BICRA: variants seen among roughly 807,000 people sequenced by gnomAD.
BICRA encodes the protein BRD4-interacting chromatin-remodeling complex-associated protein.
In BICRA, 31 loss-of-function variants were observed where a neutral mutation model predicts 96.9. The ratio of observed to expected loss-of-function variants is 0.32; its 90% CI spans 0.24 to 0.43. BICRA has a LOEUF of 0.43. Ranked by LOEUF, BICRA falls within the 20% of genes least tolerant of loss-of-function variation. The pLI, the probability that BICRA is intolerant of heterozygous loss-of-function variation, is 1.00. For synonymous variants in BICRA, 1,350 were observed against 1,071.8 expected (o/e 1.26, Z -5.07); for missense variants, 2,283 against 2,190.3 (o/e 1.04, Z -0.84).
chr19:47,701,472 T>C lies in BICRA; in HGVS notation c.3740T>C (p.Val1247Ala). 6.4e-7 allele frequency: 1 copy of C among 1,560,264 alleles called. No individual in the cohort carries two copies. Among genetic ancestry groups the C allele is most frequent in the East Asian group, 2.4e-5 (1 of 41,452 alleles). ...QPPPHLPTKL[V>A]IRHGGAGGSP... ...CCTCCACACCTGCCCACCAAGCTTG[T>C]GATCCGGCACGGCGGGGCAGGCGGC... The change falls in exon 15 of 15, where the codon GTG (valine) becomes GCG (alanine). Residue 1247 changes from valine to alanine, a missense_variant. Physicochemically the swap from Val to Ala is moderately conservative, Grantham distance 64. Transcript: ENST00000594866. The surrounding 1 kb of genome is among the most constrained non-coding windows in gnomAD (Gnocchi z 5.4).
rs1434082592 is a variant in BICRA at position 47,701,415 on chromosome 19, C to T, written c.3683C>T (p.Ser1228Leu). ...CGGCTTCCCGGCCACGGCCCCCTGT[C>T]GTCTTCAGCTCCCGGGGCCTCCACC... is the stretch of plus-strand genomic sequence containing the variant. ...GHRLPGHGPL[S>L]SSAPGASTQP... The change falls in exon 15 of 15, where the codon TCG becomes TTG. Residue 1228 changes from serine (S) to leucine (L), a missense_variant. Ser to Leu is a moderately radical substitution (Grantham distance 145). Coordinates refer to ENST00000594866, the MANE Select transcript of BICRA (RefSeq NM_001394372.1). This position sits in a 1 kb window ranked among gnomAD's most constrained non-coding sequence, Gnocchi z 5.4. 23 of 1,595,404 alleles carry T rather than the reference C, an allele frequency of 1.4e-5. No homozygotes were observed. The highest frequency in any genetic ancestry group is 1.6e-4 in the Middle Eastern group (1 of 6,078).
intron 1 of BICRA, among the ~76,000 whole-genome samples, chr19:47,651,912 C>T (rs1972546665): frequency 6.6e-6 from 1 of 152,204 alleles, no homozygotes; most frequent in Admixed American, 6.5e-5. Flanking sequence ...TGTGATGTGG[C>T]TGCAAACCCA....
chr19:47,698,837 G>A lies in BICRA; in HGVS notation c.3397+55G>A. On this transcript the variant is annotated intron_variant, in intron 12 of 14. Transcript: ENST00000594866. This position sits in a 1 kb window ranked among gnomAD's most constrained non-coding sequence, Gnocchi z 4.8. ...TGTCCCAGGGGACCCCAGCCCGTGG[G>A]GCGGGGCGTCGCCAGTGTGGAGCCG... 1.4e-6 allele frequency: 2 copies of A among 1,476,042 alleles called. No homozygotes were observed. The highest frequency in any genetic ancestry group is 1.9e-6 in the Non-Finnish European group (2 of 1,078,936). The allele number at this position is 1,476,042 out of a possible 1,614,324, so 91.4% of individuals were successfully genotyped here.
intron 1 of BICRA, among the ~76,000 whole-genome samples, chr19:47,669,252 T>C (rs1972827815): frequency 6.6e-6 from 1 of 152,194 alleles, no homozygotes; most frequent in African/African-American, 2.4e-5. Flanking sequence ...GTTATAGTCC[T>C]GTTAGCCATG....
At chr19:47,655,565 G>A (rs1057167191) in intron 1 of BICRA, among the ~76,000 whole-genome samples, 4 of 145,130 alleles carry the variant, frequency 2.8e-5, no homozygotes, top group African/African-American at 5.1e-5. Context: ...AAATGTCCCC[G>A]GTTTAGGACA....
At chr19:47,685,136 A>AT (rs34314641) in intron 7 of BICRA, among the ~76,000 whole-genome samples, 12,920 of 144,692 alleles carry the variant, frequency 0.089, 946 homozygotes, top group African/African-American at 0.21. Context: ...CGCACAGCTA[A>AT]TTTTTTTTTT....
chr19:47,693,179 TG>T lies in BICRA; in HGVS notation c.2284-934del, dbSNP rs549742963. On this transcript the variant is annotated intron_variant, in intron 7 of 14. Coordinates refer to ENST00000594866, the MANE Select transcript of BICRA (RefSeq NM_001394372.1). ...GCCAGCCCAGTGTTGGGTGCACAGC[TG>T]GTGCCCACTGGTTACACAGTGGCTG... Among the ~76,000 whole-genome samples, 461 of 152,372 alleles carry T rather than the reference TG, an allele frequency of 3.0e-3. 1 individual carries two copies. The highest frequency in any genetic ancestry group is 0.01 in the African/African-American group (433 of 41,584).
chr19:47,679,755 G>T lies in BICRA; in HGVS notation c.585G>T (p.Gln195His). The change falls in exon 6 of 15, where the codon CAG (glutamine) becomes CAT (histidine). Residue 195 changes from glutamine to histidine, a missense_variant. Physicochemically the swap from Gln to His is conservative, Grantham distance 24. Coordinates refer to ENST00000594866, the MANE Select transcript of BICRA (RefSeq NM_001394372.1). ...TGGTCAACAAGGCCCTGAGTGTGCA[G>T]CCCTTCCTGCAGCCTGTGGGCCTGG... ...QDVVNKALSV[Q>H]PFLQPVGLGN... 1 of 1,526,886 alleles carries T rather than the reference G, an allele frequency of 6.5e-7. No homozygotes were observed. The highest frequency in any genetic ancestry group is 8.8e-7 in the Non-Finnish European group (1 of 1,137,430). The allele number at this position is 1,526,886 out of a possible 1,614,324, so 94.6% of individuals were successfully genotyped here.
In BICRA at chr19:47,698,926, CCAA is replaced by C. The variant is rs1228122771; in HGVS notation, c.3398-36_3398-34del. 1 of 1,490,532 alleles carries C rather than the reference CCAA, an allele frequency of 6.7e-7. No individual in the cohort carries two copies. Among genetic ancestry groups the C allele is most frequent in the African/African-American group, 1.4e-5 (1 of 71,888 alleles). The allele number at this position is 1,490,532 out of a possible 1,614,324, so 92.3% of individuals were successfully genotyped here. A position where few individuals can be genotyped will look rare whatever the true frequency, so the allele number is the denominator to read the frequency against. ...CCTTCCTGCGCATCCGCGGCCGCCC[CCAA>C]CATCTCCGCCCTTGCCTCTCTTCCC... On this transcript the variant is annotated intron_variant, in intron 12 of 14. Transcript: ENST00000594866. The surrounding 1 kb of genome is among the most constrained non-coding windows in gnomAD (Gnocchi z 4.8).
At chr19:47,667,853 C>T (rs1392497555) in intron 1 of BICRA, among the ~76,000 whole-genome samples, 1 of 152,186 alleles carries the variant, frequency 6.6e-6, no homozygotes, top group African/African-American at 2.4e-5. Context: ...GTTTCAGATC[C>T]TACGAGAGAA....
chr19:47,691,306 A>G (rs532526501), intron 7 of BICRA, among the ~76,000 whole-genome samples: 1 of 152,242 alleles, frequency 6.6e-6, no homozygotes, highest in Non-Finnish European at 1.5e-5. Flanking sequence ...CAGGCTTTTT[A>G]TAACTAATCT....
At chr19:47,610,431 C>T (rs1217621619) in intron 1 of BICRA, among the ~76,000 whole-genome samples, 1 of 152,156 alleles carries the variant, frequency 6.6e-6, no homozygotes, top group Non-Finnish European at 1.5e-5. Flanking sequence ...TCTCCGCGCC[C>T]CTTTGTTTTG....
At position 47,698,930 on chromosome 19, in the gene BICRA, C is replaced by A. The variant is rs1295588072; in HGVS notation, c.3398-35C>A. Reference sequence around the variant, plus strand: ...CCTGCGCATCCGCGGCCGCCCCCAACATCTCCGCCCTTGCCTCTCTTCCCT... The same window carrying A: ...CCTGCGCATCCGCGGCCGCCCCCAAAATCTCCGCCCTTGCCTCTCTTCCCT... On this transcript the variant is annotated intron_variant, in intron 12 of 14. Transcript: ENST00000594866. This position sits in a 1 kb window ranked among gnomAD's most constrained non-coding sequence, Gnocchi z 4.8. 10 of 1,501,968 alleles carry A rather than the reference C, an allele frequency of 6.7e-6. No homozygotes were observed. The Admixed American group carries it at 9.7e-5, about 14-fold the overall frequency. The allele number at this position is 1,501,968 out of a possible 1,614,324, so 93.0% of individuals were successfully genotyped here.
intron 7 of BICRA, among the ~76,000 whole-genome samples, chr19:47,690,635 C>T (rs375578855): frequency 3.4e-4 from 51 of 152,190 alleles, no homozygotes; most frequent in African/African-American, 1.2e-3. Context: ...CTTTCCTTTT[C>T]TGTGCACTGT....
chr19:47,680,423 C>G lies in BICRA; in HGVS notation c.1253C>G (p.Ala418Gly). Residue 418 changes from alanine to glycine, a missense_variant, in exon 6 of 15, where the codon GCG becomes GGG. Coordinates refer to ENST00000594866, the MANE Select transcript of BICRA (RefSeq NM_001394372.1). Reference protein sequence around the residue: ...NVVLSGFPAPALQANVFKQPP... With the variant: ...NVVLSGFPAPGLQANVFKQPP... Reference sequence around the variant, plus strand: ...GTGCTGTCGGGCTTCCCCGCGCCTGCGCTGCAAGCGAACGTCTTCAAGCAG... The same window carrying G: ...GTGCTGTCGGGCTTCCCCGCGCCTGGGCTGCAAGCGAACGTCTTCAAGCAG... 1.3e-6 allele frequency: 2 copies of G among 1,536,676 alleles called. No homozygotes were observed. Among genetic ancestry groups the G allele is most frequent in the Non-Finnish European group, 1.7e-6 (2 of 1,145,904 alleles).
Position 47,685,803 on chromosome 19 carries a change from G to C in BICRA, c.2283+3651G>C, listed in dbSNP as rs191978211. Among the ~76,000 whole-genome samples the C allele has an allele frequency of 4.7e-3, 707 of 149,636 alleles. 3 individuals are homozygous for C. The highest frequency in any genetic ancestry group is 0.017 in the African/African-American group (674 of 40,798). On this transcript the variant is annotated intron_variant, in intron 7 of 14. Coordinates refer to ENST00000594866, the MANE Select transcript of BICRA (RefSeq NM_001394372.1). ...TGTGTGTGTGCGCGCGCGCGCGCAT[G>C]CGTACATTTTCCCTTTGTGTTAACA...
Position 47,686,105 on chromosome 19 carries a change from A to G in BICRA, c.2283+3953A>G, listed in dbSNP as rs113553399. Among the ~76,000 whole-genome samples, 4 of 151,714 alleles carry G rather than the reference A, an allele frequency of 2.6e-5. 1 individual carries two copies. The highest frequency in any genetic ancestry group is 9.7e-5 in the African/African-American group (4 of 41,382). On this transcript the variant is annotated intron_variant, in intron 7 of 14. Transcript: ENST00000594866. ...GCCACCGCATCCAGCTAATATTTGT[A>G]TTTTTAGTAGAGACAGGTTTTCTCC...
At chr19:47,687,884 A>G (rs1299291889) in intron 7 of BICRA, among the ~76,000 whole-genome samples, 1 of 151,750 alleles carries the variant, frequency 6.6e-6, no homozygotes, top group Non-Finnish European at 1.5e-5. Context: ...CTTGTAGGGT[A>G]AATTTCTAGA....
intron 7 of BICRA, among the ~76,000 whole-genome samples, chr19:47,683,699 C>T (rs1048420003): frequency 6.6e-6 from 1 of 152,134 alleles, no homozygotes. Flanking sequence ...ATTCTCCTGC[C>T]TCAGCCTCCC....
Sources: gnomAD v4.1 joint callset for allele counts (sites outside exome capture counted in the v4.1 genomes callset) on GRCh38, gnomAD v4.1.1 for gene constraint, Gnocchi (gnomAD v3.1) non-coding constraint, MANE v1.5 for transcripts, NCBI Gene and HGNC (gene_info 2026-07-23, HGNC 2026-07-21) for gene names.